Variants in RNGTT observed in about 807,000 individuals in gnomAD.
RNGTT encodes mRNA-capping enzyme.
RNGTT carries 33 observed loss-of-function variants against 79.3 expected under a neutral mutation model. The observed-to-expected ratio is 0.42, with a 90% CI of 0.32 to 0.56. The LOEUF is 0.56. RNGTT is among the 20% of genes least tolerant of loss of function. The pLI, the probability that RNGTT is intolerant of heterozygous loss-of-function variation, is 0.17. For missense variants in RNGTT, 497 were observed against 739.1 expected, an observed-to-expected ratio of 0.67 and a Z score of 3.80; for synonymous variants, 222 against 235.9, an observed-to-expected ratio of 0.94 and a Z score of 0.54.
intron 2 of RNGTT, among the ~76,000 whole-genome samples, chr6:88,940,785 T>TAC (rs149422730): frequency 0.022 from 3,318 of 151,906 alleles, 119 homozygotes; most frequent in African/African-American, 0.076. Flanking sequence ...TGTACTGAAC[T>TAC]ACACACACAC....
chr6:88,901,317 G>T (rs1013230308), intron 6 of RNGTT, among the ~76,000 whole-genome samples: 1 of 151,604 alleles, frequency 6.6e-6, no homozygotes, highest in Admixed American at 6.6e-5. Flanking sequence ...CATACACCAC[G>T]CAGGATAAAT....
chr6:88,668,994 T>C (rs1774525067), intron 14 of RNGTT, among the ~76,000 whole-genome samples: 1 of 152,198 alleles, frequency 6.6e-6, no homozygotes, highest in Non-Finnish European at 1.5e-5. Flanking sequence ...AAAAAGACCC[T>C]GTTTGCCTAC....
intron 4 of RNGTT, among the ~76,000 whole-genome samples, chr6:88,915,902 T>C (rs1031290774): frequency 6.6e-6 from 1 of 152,234 alleles, no homozygotes; most frequent in Non-Finnish European, 1.5e-5. Flanking sequence ...AATAAAAATT[T>C]TTTTTTAAAA....
In RNGTT at chr6:88,884,915, T is replaced by C. The variant is rs149843466; in HGVS notation, c.896+5580A>G. 5.0e-3 allele frequency among the ~76,000 whole-genome samples: 760 copies of C among 152,192 alleles called. 5 individuals are homozygous for C. The highest frequency in any genetic ancestry group is 0.017 in the African/African-American group (699 of 41,510). On this transcript the variant is annotated intron_variant, in intron 8 of 15. Transcript: ENST00000369485. ...TACTTTATGTGTATTATAGTAAATA[T>C]TATGGATAATGAAAACCAAGTGTCT...
intron 13 of RNGTT, among the ~76,000 whole-genome samples, chr6:88,735,417 A>G (rs1777251342): frequency 6.6e-6 from 1 of 152,088 alleles, no homozygotes; most frequent in Non-Finnish European, 1.5e-5. Context: ...TAAAAGACAG[A>G]CACATTCTGG....
intron 14 of RNGTT, among the ~76,000 whole-genome samples, chr6:88,646,165 C>T (rs1199196608): frequency 6.6e-6 from 1 of 152,058 alleles, no homozygotes; most frequent in Non-Finnish European, 1.5e-5. Flanking sequence ...AACAAACAAC[C>T]CCATCAAAAA....
At chr6:88,667,112 C>T (rs1175852490) in intron 14 of RNGTT, among the ~76,000 whole-genome samples, 2 of 152,306 alleles carry the variant, frequency 1.3e-5, no homozygotes, top group South Asian at 4.1e-4. Context: ...CTCCTAAGCT[C>T]GCAGAGCAGC....
chr6:88,612,537 G>T lies in RNGTT; in HGVS notation c.*182C>A. ...TAAGTCCACGATGTATTGCAGCACT[G>T]AGGAAACGAATGCATCAAGTATTTA... On this transcript the variant is annotated 3_prime_UTR_variant, in exon 16 of 16. Coordinates refer to ENST00000369485, the MANE Select transcript of RNGTT (RefSeq NM_003800.5). 1.6e-6 allele frequency: 1 copy of T among 623,890 alleles called. No homozygotes were observed. The highest frequency in any genetic ancestry group is 2.8e-6 in the Non-Finnish European group (1 of 353,220). 38.6% of individuals were successfully genotyped at this position (623,890 alleles called of 1,614,324 possible). A position where few individuals can be genotyped will look rare whatever the true frequency, so the allele number is the denominator to read the frequency against.
chr6:88,898,673 G>GTA (rs370502684), intron 6 of RNGTT, among the ~76,000 whole-genome samples: 85 of 147,428 alleles, frequency 5.8e-4, no homozygotes, highest in South Asian at 1.9e-3. Context: ...GTGTGTGTGT[G>GTA]TATATATATA....
intron 13 of RNGTT, among the ~76,000 whole-genome samples, chr6:88,766,678 CTA>C (rs1778473351): frequency 6.6e-6 from 1 of 152,072 alleles, no homozygotes; most frequent in Non-Finnish European, 1.5e-5. Flanking sequence ...GAAATCTATA[CTA>C]TTAGCACCTC....
intron 1 of RNGTT, among the ~76,000 whole-genome samples, chr6:88,943,385 T>C (rs1784910803): frequency 6.6e-6 from 1 of 152,080 alleles, no homozygotes; most frequent in Non-Finnish European, 1.5e-5. Context: ...CAACATCCAA[T>C]CCATCAGCAA....
chr6:88,846,470 G>A (rs1781485977), intron 10 of RNGTT, among the ~76,000 whole-genome samples: 1 of 152,078 alleles, frequency 6.6e-6, no homozygotes, highest in Admixed American at 6.6e-5. Flanking sequence ...TAGCAGGCCG[G>A]GTGCAGATGG....
intron 6 of RNGTT, among the ~76,000 whole-genome samples, chr6:88,896,415 G>A (rs1783248466): frequency 6.6e-6 from 1 of 152,190 alleles, no homozygotes; most frequent in South Asian, 2.1e-4. Flanking sequence ...GTTAGTCTCT[G>A]CATGTGGCTA....
At chr6:88,806,545 G>A (rs192376168) in intron 11 of RNGTT, among the ~76,000 whole-genome samples, 77 of 152,122 alleles carry the variant, frequency 5.1e-4, no homozygotes, top group Admixed American at 4.3e-3. Context: ...TCAATCTCCT[G>A]ACCTCGTGAT....
chr6:88,803,659 CT>C (rs1779865035), intron 11 of RNGTT, among the ~76,000 whole-genome samples: 2 of 128,204 alleles, frequency 1.6e-5, no homozygotes, highest in African/African-American at 6.6e-5. Flanking sequence ...ACAATAATCT[CT>C]TTTTTCAAAA....
At chr6:88,855,966 A>G (rs1038673597) in intron 8 of RNGTT, among the ~76,000 whole-genome samples, 1 of 152,208 alleles carries the variant, frequency 6.6e-6, no homozygotes, top group Admixed American at 6.5e-5. Flanking sequence ...CAAAAATGGC[A>G]TGGAAGACAC....
chr6:88,653,046 G>C (rs1773854368), intron 14 of RNGTT, among the ~76,000 whole-genome samples: 1 of 151,980 alleles, frequency 6.6e-6, no homozygotes, highest in Non-Finnish European at 1.5e-5. Flanking sequence ...TCAGCAATAG[G>C]GATTTTTACA....
Position 88,874,985 on chromosome 6 carries a change from A to G in RNGTT, c.896+15510T>C, listed in dbSNP as rs1388017798. On this transcript the variant is annotated intron_variant, in intron 8 of 15. Coordinates refer to ENST00000369485, the MANE Select transcript of RNGTT (RefSeq NM_003800.5). ...TTTGTTATATCTCTTACTACATCTT[A>G]AATTGTACTTCATTTTCCTGCTGAG... is the stretch of plus-strand genomic sequence containing the variant. Among the ~76,000 whole-genome samples the G allele has an allele frequency of 3.3e-5, 5 of 152,026 alleles. No homozygotes were observed. In the South Asian group the frequency reaches 6.2e-4, roughly 19 times the overall value.
At chr6:88,691,552 A>C (rs1326428863) in intron 13 of RNGTT, among the ~76,000 whole-genome samples, 1 of 152,186 alleles carries the variant, frequency 6.6e-6, no homozygotes, top group Non-Finnish European at 1.5e-5. Context: ...AAGAAGTAAA[A>C]ACCACAGAGG....
Sources: allele counts gnomAD v4.1 joint callset (sites outside exome capture counted in the v4.1 genomes callset), GRCh38; gene constraint gnomAD v4.1.1; transcripts MANE v1.5; gene names NCBI Gene and HGNC (gene_info 2026-07-23, HGNC 2026-07-21).